The following DNER variants were observed in gnomAD, a reference collection of about 807,000 sequenced individuals.
DNER encodes delta/notch like EGF repeat containing.
DNER carries 33 observed loss-of-function variants against 78.2 expected under a neutral mutation model. The observed-to-expected ratio is 0.42, with a 90% confidence interval of 0.32 to 0.56. The LOEUF (loss-of-function observed/expected upper bound fraction) is 0.56. Among genes scored for constraint, DNER ranks in the 20% least tolerant of loss-of-function variants. The pLI, the probability that DNER is intolerant of heterozygous loss-of-function variation, is 0.11. For missense variants in DNER, 918 were observed against 975.3 expected (o/e 0.94, Z 0.78); for synonymous variants, 417 against 384.8 (o/e 1.08, Z -0.98).
At chr2:229,575,966 A>G (rs1389643282) in intron 4 of DNER, among the ~76,000 whole-genome samples, 1 of 152,214 alleles carries the variant, frequency 6.6e-6, no homozygotes, top group Non-Finnish European at 1.5e-5. Flanking sequence ...AACTAAGCAA[A>G]TGTGAGCTAT....
At chr2:229,534,828 A>G (rs1211729068) in intron 5 of DNER, among the ~76,000 whole-genome samples, 1 of 152,070 alleles carries the variant, frequency 6.6e-6, no homozygotes, top group African/African-American at 2.4e-5. Flanking sequence ...ATGAATTTAT[A>G]TTTTTTAATT....
At chr2:229,390,065 T>C (rs1023383729) in intron 10 of DNER, among the ~76,000 whole-genome samples, 6 of 152,238 alleles carry the variant, frequency 3.9e-5, no homozygotes, top group Non-Finnish European at 7.3e-5. Context: ...AGGAACATGC[T>C]GAGAAATGTT....
intron 1 of DNER, among the ~76,000 whole-genome samples, chr2:229,624,638 C>T (rs13396586): frequency 0.21 from 31,222 of 152,132 alleles, 3,813 homozygotes; most frequent in African/African-American, 0.32. Flanking sequence ...TAAATAGTAG[C>T]GTGTCCTGAT....
chr2:229,546,069 A>G (rs1696620972), intron 5 of DNER, among the ~76,000 whole-genome samples: 1 of 152,236 alleles, frequency 6.6e-6, no homozygotes, highest in Non-Finnish European at 1.5e-5. Context: ...AAGAGGATCT[A>G]TCACTACACA....
chr2:229,634,917 G>A lies in DNER; in HGVS notation c.277-43029C>T, dbSNP rs137875157. ...AGGGCCCAACCCAAATCCTTCTTCC[G>A]CGAGGTCTTTTCCTTAACTTTTGAG... On this transcript the variant is annotated intron_variant, in intron 1 of 12. Coordinates refer to ENST00000341772, the MANE Select transcript of DNER (RefSeq NM_139072.4). Among the ~76,000 whole-genome samples, 416 of 152,230 alleles carry A rather than the reference G, an allele frequency of 2.7e-3. 2 individuals are homozygous for A. The highest frequency in any genetic ancestry group is 4.4e-3 in the Admixed American group (68 of 15,300).
Position 229,512,862 on chromosome 2 carries a change from T to C in DNER, c.1068A>G (p.Lys356=). 6.2e-7 allele frequency: 1 copy of C among 1,614,182 alleles called. No homozygotes were observed. The highest frequency in any genetic ancestry group is 1.3e-5 in the African/African-American group (1 of 75,054). ...FCEEYDACQR[K]PCQNNASCID... ...TACAGCTCGCGTTGTTTTGGCAAGG[T>C]TTCCTCTGGCAAGCATCGTATTCTT... The change falls in exon 6 of 13, where the codon AAA becomes AAG. Residue 356 remains lysine (K), a synonymous_variant. Coordinates refer to ENST00000341772, the MANE Select transcript of DNER (RefSeq NM_139072.4).
At chr2:229,396,171 G>A (rs2106339526) in intron 10 of DNER, among the ~76,000 whole-genome samples, 1 of 152,268 alleles carries the variant, frequency 6.6e-6, no homozygotes, top group East Asian at 1.9e-4. Context: ...TATTTTATAT[G>A]TGTCATGGGT....
chr2:229,460,575 C>T (rs1694674565), intron 7 of DNER, among the ~76,000 whole-genome samples: 1 of 151,926 alleles, frequency 6.6e-6, no homozygotes, highest in Admixed American at 6.6e-5. Context: ...TTTATAAAAT[C>T]TAACACAATA....
At chr2:229,554,537 C>T (rs1014705956) in intron 4 of DNER, among the ~76,000 whole-genome samples, 2 of 152,066 alleles carry the variant, frequency 1.3e-5, no homozygotes, top group African/African-American at 2.4e-5. Context: ...ACTAAAAATA[C>T]AAAAATCAGC....
At chr2:229,509,244 C>A (rs1274996386) in intron 6 of DNER, among the ~76,000 whole-genome samples, 1 of 152,128 alleles carries the variant, frequency 6.6e-6, no homozygotes, top group African/African-American at 2.4e-5. Flanking sequence ...CATGTCAGTC[C>A]AAATATATCG....
chr2:229,417,973 A>T, intron 9 of DNER, 135 bp downstream of exon 9: 1 of 1,434,964 alleles, frequency 7.0e-7, no homozygotes, highest in Non-Finnish European at 9.4e-7. Flanking sequence ...TGGACCGATT[A>T]ATCATGCCAG....
chr2:229,393,935 C>A (rs1693074495), intron 10 of DNER, among the ~76,000 whole-genome samples: 1 of 152,170 alleles, frequency 6.6e-6, no homozygotes, highest in Non-Finnish European at 1.5e-5. Flanking sequence ...CATAGATGTA[C>A]TCAGAATCCT....
At chr2:229,657,438 G>A (rs1008973046) in intron 1 of DNER, among the ~76,000 whole-genome samples, 5 of 152,100 alleles carry the variant, frequency 3.3e-5, no homozygotes, top group South Asian at 2.1e-4. Context: ...AAATAATGCC[G>A]CAGTGAACAC....
At chr2:229,613,231 T>C (rs951692260) in intron 1 of DNER, among the ~76,000 whole-genome samples, 1 of 152,080 alleles carries the variant, frequency 6.6e-6, no homozygotes, top group African/African-American at 2.4e-5. Flanking sequence ...CAGAAAAAAA[T>C]AAAATCCAAA....
At chr2:229,518,850 C>A (rs148040755) in intron 5 of DNER, among the ~76,000 whole-genome samples, 1 of 152,122 alleles carries the variant, frequency 6.6e-6, no homozygotes, top group Non-Finnish European at 1.5e-5. Context: ...GCACCATTTA[C>A]GAACTCTTAC....
intron 1 of DNER, among the ~76,000 whole-genome samples, chr2:229,682,308 GT>G (rs986100474): frequency 1.3e-5 from 2 of 152,170 alleles, no homozygotes; most frequent in African/African-American, 4.8e-5. Context: ...TGATGAATAT[GT>G]ATTCAGCTCC....
intron 5 of DNER, among the ~76,000 whole-genome samples, chr2:229,543,104 G>T (rs1439891307): frequency 6.6e-6 from 1 of 152,008 alleles, no homozygotes; most frequent in Non-Finnish European, 1.5e-5. Context: ...GGCACCAGAA[G>T]CTCTTCAAAA....
chr2:229,456,062 T>C (rs1386823944), intron 7 of DNER, among the ~76,000 whole-genome samples: 1 of 152,044 alleles, frequency 6.6e-6, no homozygotes, highest in Admixed American at 6.5e-5. Context: ...TACCTGAGAC[T>C]GGGTAATTTA....
chr2:229,565,002 C>T (rs1697075683), intron 4 of DNER, among the ~76,000 whole-genome samples: 1 of 152,118 alleles, frequency 6.6e-6, no homozygotes, highest in African/African-American at 2.4e-5. Flanking sequence ...TTCATAAGGA[C>T]ACTAATCCTA....
Sources: gnomAD v4.1 joint callset for allele counts (sites outside exome capture counted in the v4.1 genomes callset) on GRCh38, gnomAD v4.1.1 for gene constraint, MANE v1.5 for transcripts, NCBI Gene and HGNC (gene_info 2026-07-23, HGNC 2026-07-21) for gene names.